The following ROBO1 variants were observed in gnomAD, a reference collection of about 807,000 sequenced individuals.
The protein encoded by ROBO1 is roundabout guidance receptor 1.
ROBO1 carries 149 observed loss-of-function variants against 195.9 expected under a neutral mutation model. The ratio of observed to expected loss-of-function variants is 0.76; its 90% CI spans 0.67 to 0.87. The LOEUF is 0.87. Ranked by LOEUF, ROBO1 falls within the 40% of genes least tolerant of loss-of-function variation. The pLI, the probability that ROBO1 is intolerant of heterozygous loss-of-function variation, is 0.00. For missense variants in ROBO1, 1,933 were observed against 2,068.3 expected, an observed-to-expected ratio of 0.93 and a Z score of 1.27; for synonymous variants, 816 against 733.2, an observed-to-expected ratio of 1.11 and a Z score of -1.82.
intron 4 of ROBO1, among the ~76,000 whole-genome samples, chr3:78,779,063 C>T (rs527385503): frequency 7.3e-4 from 111 of 152,186 alleles, no homozygotes; most frequent in African/African-American, 2.6e-3. Context: ...ATGCAGAAAA[C>T]TGAAACTGGA....
chr3:78,617,546 T>A, intron 27 of ROBO1, 89 bp downstream of exon 27: 1 of 1,279,894 alleles, frequency 7.8e-7, no homozygotes, highest in South Asian at 1.7e-5. Flanking sequence ...GCTTTTCAAA[T>A]AGGACGTAAG....
intron 1 of ROBO1, among the ~76,000 whole-genome samples, chr3:79,742,031 G>A (rs1703668838): frequency 6.6e-6 from 1 of 151,782 alleles, no homozygotes; most frequent in Admixed American, 6.6e-5. Flanking sequence ...GGTCATATGT[G>A]TGAATAAAGA....
At chr3:78,701,206 T>A (rs1297661288) in intron 8 of ROBO1, among the ~76,000 whole-genome samples, 2 of 152,262 alleles carry the variant, frequency 1.3e-5, no homozygotes, top group Non-Finnish European at 1.5e-5. Context: ...AAATGACTTT[T>A]AACAAGAAAT....
intron 5 of ROBO1, among the ~76,000 whole-genome samples, chr3:78,729,942 T>C (rs1393394401): frequency 1.3e-5 from 2 of 152,194 alleles, no homozygotes; most frequent in Non-Finnish European, 2.9e-5. Flanking sequence ...CAAAGTCTTA[T>C]GGGCAATTTT....
intron 18 of ROBO1, among the ~76,000 whole-genome samples, chr3:78,656,892 G>T (rs1476276081): frequency 6.6e-6 from 1 of 151,946 alleles, no homozygotes; most frequent in Non-Finnish European, 1.5e-5. Flanking sequence ...TCTACATCTA[G>T]TCTGTCTCTC....
At chr3:79,345,777 A>G (rs2035088860) in intron 2 of ROBO1, among the ~76,000 whole-genome samples, 1 of 152,078 alleles carries the variant, frequency 6.6e-6, no homozygotes, top group African/African-American at 2.4e-5. Flanking sequence ...GGTAATGAAC[A>G]ATTTTGCTGA....
chr3:79,203,224 C>T (rs1331308097), intron 2 of ROBO1, among the ~76,000 whole-genome samples: 2 of 152,058 alleles, frequency 1.3e-5, no homozygotes, highest in African/African-American at 4.8e-5. Context: ...GGTTATTGCC[C>T]GGCCAAAGAG....
intron 2 of ROBO1, among the ~76,000 whole-genome samples, chr3:79,477,733 A>G (rs865875163): frequency 3.3e-5 from 5 of 152,182 alleles, no homozygotes; most frequent in African/African-American, 1.2e-4. Context: ...ATTAAGATCT[A>G]AATAACCAGA....
At chr3:78,920,303 A>AT (rs150538858) in intron 4 of ROBO1, among the ~76,000 whole-genome samples, 4,575 of 149,618 alleles carry the variant, frequency 0.031, 249 homozygotes, top group African/African-American at 0.1. Flanking sequence ...GGCATGGACA[A>AT]TTTTTTTTTT....
intron 1 of ROBO1, among the ~76,000 whole-genome samples, chr3:79,640,225 A>G (rs1157746416): frequency 6.6e-6 from 1 of 152,186 alleles, no homozygotes; most frequent in Non-Finnish European, 1.5e-5. Context: ...GGAAATATGT[A>G]TTTAATATGA....
At chr3:79,681,462 A>T (rs192965171) in intron 1 of ROBO1, among the ~76,000 whole-genome samples, 1 of 152,054 alleles carries the variant, frequency 6.6e-6, no homozygotes, top group Non-Finnish European at 1.5e-5. Flanking sequence ...CCACTGGGAA[A>T]GGAATCCAGA....
At chr3:78,716,902 C>T (rs900391819) in intron 7 of ROBO1, among the ~76,000 whole-genome samples, 1 of 152,104 alleles carries the variant, frequency 6.6e-6, no homozygotes, top group African/African-American at 2.4e-5. Flanking sequence ...AAAAGGAAGC[C>T]TGATTTTTAA....
At chr3:79,067,839 G>T (rs966187322) in intron 3 of ROBO1, among the ~76,000 whole-genome samples, 3 of 151,898 alleles carry the variant, frequency 2.0e-5, no homozygotes, top group African/African-American at 4.8e-5. Flanking sequence ...AACTCACAAG[G>T]GTACAGTCAA....
intron 2 of ROBO1, among the ~76,000 whole-genome samples, chr3:79,367,084 G>A (rs1407218211): frequency 6.6e-6 from 1 of 152,122 alleles, no homozygotes; most frequent in African/African-American, 2.4e-5. Context: ...TACATTTCTT[G>A]TTAAACATCT....
At chr3:79,086,541 C>T (rs1459953001) in intron 3 of ROBO1, among the ~76,000 whole-genome samples, 2 of 152,092 alleles carry the variant, frequency 1.3e-5, no homozygotes, top group African/African-American at 4.8e-5. Context: ...TATAAGAATA[C>T]CTGAGAAAAG....
At chr3:79,647,667 T>C (rs1024176106) in intron 1 of ROBO1, among the ~76,000 whole-genome samples, 4 of 152,034 alleles carry the variant, frequency 2.6e-5, no homozygotes, top group African/African-American at 9.7e-5. Flanking sequence ...CAATTATCCA[T>C]CCCAAAATAT....
At chr3:78,607,115 T>G (rs1575764608) in intron 28 of ROBO1, 74 bp from the exon 29 acceptor site, 5 of 1,386,552 alleles carry the variant, frequency 3.6e-6, no homozygotes. Flanking sequence ...GGATTATCAT[T>G]GGAGCCACAT....
chr3:79,664,774 C>G (rs1946427985), intron 1 of ROBO1, among the ~76,000 whole-genome samples: 1 of 151,864 alleles, frequency 6.6e-6, no homozygotes, highest in South Asian at 2.1e-4. Flanking sequence ...TAACTCTCTA[C>G]CATAAATTTT....
intron 2 of ROBO1, among the ~76,000 whole-genome samples, chr3:79,190,648 C>T (rs1214201622): frequency 6.6e-6 from 1 of 151,570 alleles, no homozygotes; most frequent in Non-Finnish European, 1.5e-5. Flanking sequence ...CCCTGAAGAC[C>T]TTCTCTGTCT....
Sources: gnomAD v4.1 joint callset for allele counts (sites outside exome capture counted in the v4.1 genomes callset) on GRCh38, gnomAD v4.1.1 for gene constraint, MANE v1.5 for transcripts, NCBI Gene and HGNC (gene_info 2026-07-23, HGNC 2026-07-21) for gene names.